SGCD: variants seen among roughly 807,000 people sequenced by gnomAD.
SGCD encodes the protein sarcoglycan delta.
A neutral mutation model predicts 36.6 loss-of-function variants in SGCD; 18 were observed. That is an observed-to-expected ratio of 0.49 (90% CI 0.34 to 0.73). The LOEUF (loss-of-function observed/expected upper bound fraction) is 0.73. SGCD is among the 30% of genes least tolerant of loss of function. SGCD has a pLI of 0.01. For missense variants in SGCD, 387 were observed against 346.7 expected (o/e 1.12, Z -0.92); for synonymous variants, 133 against 130.6 (o/e 1.02, Z -0.12).
At chr5:155,754,650 A>G in the SGCD span, among the ~76,000 whole-genome samples, 83 of 152,244 alleles carry the variant, frequency 5.5e-4, no homozygotes, top group Non-Finnish European at 2.1e-4. Flanking sequence ...AACATTAAAC[A>G]CTAGTTTTAA....
At chr5:156,091,791 A>G (rs1227279372) in intron 1 of SGCD, among the ~76,000 whole-genome samples, 1 of 152,186 alleles carries the variant, frequency 6.6e-6, no homozygotes, top group African/African-American at 2.4e-5. Context: ...GTTCCAGCAA[A>G]GTCAATACCT....
chr5:156,511,128 C>A (rs192967606), intron 4 of SGCD, among the ~76,000 whole-genome samples: 16 of 152,130 alleles, frequency 1.1e-4, no homozygotes, highest in Admixed American at 9.2e-4. Context: ...ATAAAAAGCC[C>A]TCAAATTCAC....
At chr5:156,224,381 G>T (rs925711172) in intron 3 of SGCD, among the ~76,000 whole-genome samples, 1 of 152,096 alleles carries the variant, frequency 6.6e-6, no homozygotes, top group Non-Finnish European at 1.5e-5. Flanking sequence ...ATGAAGGGGA[G>T]TGGCCCAGAC....
At chr5:156,657,370 A>G (rs1763731629) in intron 7 of SGCD, among the ~76,000 whole-genome samples, 1 of 150,070 alleles carries the variant, frequency 6.7e-6, no homozygotes, top group South Asian at 2.2e-4. Flanking sequence ...AGCATTAGGT[A>G]TATCTCCTAA....
chr5:156,656,080 GAA>G (rs1344397570), intron 7 of SGCD, among the ~76,000 whole-genome samples: 1 of 152,070 alleles, frequency 6.6e-6, no homozygotes, highest in East Asian at 1.9e-4. Context: ...AAAAAAGAGA[GAA>G]AGTTATATAG....
intron 3 of SGCD, among the ~76,000 whole-genome samples, chr5:156,248,543 C>T (rs1000636621): frequency 1.3e-5 from 2 of 151,876 alleles, no homozygotes; most frequent in African/African-American, 2.4e-5. Flanking sequence ...AAAACCAAGG[C>T]TGTCTAAGTA....
intron 3 of SGCD, among the ~76,000 whole-genome samples, chr5:156,139,321 A>G (rs1762523169): frequency 1.3e-5 from 2 of 151,704 alleles, no homozygotes; most frequent in South Asian, 4.2e-4. Flanking sequence ...TATTTAGGGT[A>G]GCAGTCTATC....
chr5:156,279,596 C>G (rs1454047228), intron 3 of SGCD, among the ~76,000 whole-genome samples: 1 of 152,086 alleles, frequency 6.6e-6, no homozygotes, highest in Non-Finnish European at 1.5e-5. Flanking sequence ...TTCTCATAAC[C>G]ACCAGAATGT....
rs922390952 is a variant in SGCD, at chr5:156,431,029, TG to T, written c.193-77570del. 7.5e-4 allele frequency among the ~76,000 whole-genome samples: 114 copies of T among 152,256 alleles called. 1 individual carries two copies. The highest frequency in any genetic ancestry group is 2.6e-3 in the African/African-American group (110 of 41,550). ...GCAGGTGGGTAGATATAATACTCAATGGTGGGCCAAGATCCCAGTCTTGATG... is the reference window on the plus strand; with the variant it reads ...GCAGGTGGGTAGATATAATACTCAATGTGGGCCAAGATCCCAGTCTTGATG... On this transcript the variant is annotated intron_variant, in intron 3 of 8. Transcript: ENST00000337851.
intron 7 of SGCD, among the ~76,000 whole-genome samples, chr5:156,740,472 A>G (rs1177400727): frequency 6.6e-6 from 1 of 152,276 alleles, no homozygotes; most frequent in Non-Finnish European, 1.5e-5. Flanking sequence ...CAACTTTTGA[A>G]TTAAAGAATC....
rs546526753 is a variant in SGCD at position 156,511,345 on chromosome 5, G to GT, written c.294+2644dup. On this transcript the variant is annotated intron_variant, in intron 4 of 8. Transcript: ENST00000337851. Reference sequence around the variant, plus strand: ...TTCTGCATCACACACCACACCTTAGGTCAAGCCACTGTCTGTTCTCACCTG... The same window carrying GT: ...TTCTGCATCACACACCACACCTTAGGTTCAAGCCACTGTCTGTTCTCACCTG... Among the ~76,000 whole-genome samples the GT allele has an allele frequency of 4.1e-3, 626 of 152,254 alleles. 1 individual carries two copies. Among genetic ancestry groups the GT allele is most frequent in the Non-Finnish European group, 7.6e-3 (519 of 68,014 alleles).
chr5:156,314,113 A>C (rs1581237124), intron 3 of SGCD, among the ~76,000 whole-genome samples: 1 of 151,938 alleles, frequency 6.6e-6, no homozygotes, highest in African/African-American at 2.4e-5. Flanking sequence ...TTAGGGAAAA[A>C]GCCAGTTTAG....
chr5:156,605,896 G>A (rs559200975), intron 6 of SGCD, among the ~76,000 whole-genome samples: 4 of 152,192 alleles, frequency 2.6e-5, no homozygotes, highest in African/African-American at 9.6e-5. Flanking sequence ...TGATGGGGTT[G>A]TTTTTTTCTC....
chr5:156,689,130 A>G (rs147935437), intron 7 of SGCD, among the ~76,000 whole-genome samples: 1 of 152,224 alleles, frequency 6.6e-6, no homozygotes, highest in Non-Finnish European at 1.5e-5. Flanking sequence ...GGATTGTACC[A>G]GTGTTAATTT....
In SGCD at chr5:156,319,331, A is replaced by G. The variant is rs180911002; in HGVS notation, c.-43-10203A>G. ...GTTTTTCTTCAATTCATTCCAGCAGATATTTAATGAGCACTTGATCTGTTA... is the reference window on the plus strand; with the variant it reads ...GTTTTTCTTCAATTCATTCCAGCAGGTATTTAATGAGCACTTGATCTGTTA... On this transcript the variant is annotated intron_variant, in intron 3 of 9. Transcript: ENST00000517913. Among the ~76,000 whole-genome samples, 40 of 152,338 alleles carry G rather than the reference A, an allele frequency of 2.6e-4. No individual in the cohort carries two copies. The East Asian group carries it at 7.5e-3, about 29-fold the overall frequency.
rs1351477847 is a variant in SGCD at position 155,940,870 on chromosome 5, AACAAC to A, written c.-282+70448_-282+70452del. Among the ~76,000 whole-genome samples, 558 of 144,428 alleles carry A rather than the reference AACAAC, an allele frequency of 3.9e-3. 4 individuals carry two copies. The highest frequency in any genetic ancestry group is 0.014 in the African/African-American group (540 of 38,102). The allele number at this position is 144,428 out of a possible 152,430, so 94.8% of individuals were successfully genotyped here. A position where few individuals can be genotyped will look rare whatever the true frequency, so the allele number is the denominator to read the frequency against. On this transcript the variant is annotated intron_variant, in intron 1 of 9. Coordinates refer to the SGCD transcript ENST00000517913. The stretch of plus-strand genomic sequence containing the variant: ...AAAACAAACAAACAACAACAACAAC[AACAAC>A]AAAAAAAACATTAACTAGTGTTATT...
chr5:156,153,598 G>C (rs976786990), intron 3 of SGCD, among the ~76,000 whole-genome samples: 2 of 151,638 alleles, frequency 1.3e-5, no homozygotes, highest in African/African-American at 4.9e-5. Flanking sequence ...TTGGCTGATA[G>C]TCTCATTAGA....
chr5:156,448,731 C>CTTTTTTTTTTTTTTTTTTTTTTTTTTTTT (rs1158844774), intron 3 of SGCD, among the ~76,000 whole-genome samples: 1 of 76,016 alleles, frequency 1.3e-5, no homozygotes, highest in Non-Finnish European at 2.4e-5. Context: ...TTTTCTTTTT[C>CTTTTTTTTTTTTTTTTTTTTTTTTTTTTT]TTTTTTTTTT....
At chr5:156,344,376 G>T in intron 2 of SGCD, 113 bp from the exon 3 acceptor site, 1 of 705,514 alleles carries the variant, frequency 1.4e-6, no homozygotes. Flanking sequence ...GGGTATAAAA[G>T]TAGACAGCAG....
Sources: allele counts gnomAD v4.1 joint callset (sites outside exome capture counted in the v4.1 genomes callset), GRCh38; gene constraint gnomAD v4.1.1; transcripts MANE v1.5; gene names NCBI Gene and HGNC (gene_info 2026-07-23, HGNC 2026-07-21).